Variants in FANCC observed in about 807,000 individuals in gnomAD.
FANCC encodes the protein Fanconi anemia group C protein.
Under a neutral mutation model 71.3 loss-of-function variants are expected in FANCC, and 55 were observed. The ratio of observed to expected loss-of-function variants is 0.77; its 90% CI spans 0.62 to 0.97. The LOEUF (loss-of-function observed/expected upper bound fraction) is 0.97. Ranked by LOEUF, FANCC falls within the 50% of genes least tolerant of loss-of-function variation. The pLI is 0.00. For missense variants in FANCC, 678 were observed against 670.9 expected (o/e 1.01, Z -0.12); for synonymous variants, 275 against 244.9 (o/e 1.12, Z -1.15).
chr9:95,196,557 T>C (rs1827470151), intron 4 of FANCC, among the ~76,000 whole-genome samples: 1 of 152,184 alleles, frequency 6.6e-6, no homozygotes, highest in African/African-American at 2.4e-5. Context: ...GACACTACAC[T>C]TGCAAAACTG....
intron 1 of FANCC, among the ~76,000 whole-genome samples, chr9:95,284,409 C>T (rs994036708): frequency 2.6e-5 from 4 of 152,118 alleles, no homozygotes; most frequent in African/African-American, 4.8e-5. Flanking sequence ...AACACTAGTA[C>T]GCAACAAAAT....
chr9:95,184,664 T>C (rs1455515068), intron 4 of FANCC, among the ~76,000 whole-genome samples: 1 of 152,228 alleles, frequency 6.6e-6, no homozygotes, highest in Non-Finnish European at 1.5e-5. Flanking sequence ...AATAGGGTTT[T>C]TGGTGGAACT....
chr9:95,262,248 A>G (rs977516494), intron 1 of FANCC, among the ~76,000 whole-genome samples: 2 of 152,176 alleles, frequency 1.3e-5, no homozygotes, highest in Admixed American at 6.5e-5. Context: ...ATATTCAAAA[A>G]CTTCATGGAA....
chr9:95,252,718 C>G (rs573142919), intron 1 of FANCC, among the ~76,000 whole-genome samples: 1 of 144,464 alleles, frequency 6.9e-6, no homozygotes, highest in East Asian at 2.1e-4. Context: ...GCACTCCAGC[C>G]TGGGCAACAG....
intron 1 of FANCC, among the ~76,000 whole-genome samples, chr9:95,258,351 C>T (rs1011885028): frequency 2.6e-5 from 4 of 152,128 alleles, no homozygotes; most frequent in African/African-American, 9.7e-5. Flanking sequence ...ACAATCAAGT[C>T]GGCTTCATCC....
intron 13 of FANCC, chr9:95,110,484 A>C: frequency 9.7e-7 from 1 of 1,030,780 alleles, no homozygotes; most frequent in Non-Finnish European, 1.2e-6. Context: ...TTAATCAGAC[A>C]GCAATCCTCA....
At chr9:95,114,789 GAA>G (rs2072253794) in intron 11 of FANCC, 79 bp from the exon 12 acceptor site, 2 of 1,248,056 alleles carry the variant, frequency 1.6e-6, no homozygotes, top group Non-Finnish European at 2.4e-6. Flanking sequence ...GGGATGACCT[GAA>G]GAGTCTTTGG....
chr9:95,261,794 A>T (rs1832067517), intron 1 of FANCC, among the ~76,000 whole-genome samples: 1 of 152,240 alleles, frequency 6.6e-6, no homozygotes, highest in South Asian at 2.1e-4. Context: ...AGAGAGATGC[A>T]GACGCTGGAA....
intron 4 of FANCC, among the ~76,000 whole-genome samples, chr9:95,180,374 T>C (rs991044324): frequency 7.1e-6 from 1 of 140,872 alleles, no homozygotes; most frequent in Non-Finnish European, 1.5e-5. Flanking sequence ...TGAGACAGGG[T>C]ATTGCTCTGC....
At chr9:95,176,950 G>A (rs1306769687) in intron 4 of FANCC, among the ~76,000 whole-genome samples, 1 of 152,182 alleles carries the variant, frequency 6.6e-6, no homozygotes, top group Non-Finnish European at 1.5e-5. Flanking sequence ...TACTGTATGA[G>A]CTCCGTCTTG....
At chr9:95,131,108 A>G (rs1826842666) in intron 8 of FANCC, among the ~76,000 whole-genome samples, 1 of 152,184 alleles carries the variant, frequency 6.6e-6, no homozygotes, top group South Asian at 2.1e-4. Flanking sequence ...CAATTTTTTC[A>G]GTACTCCATA....
chr9:95,233,709 T>C (rs1830139607), intron 4 of FANCC, among the ~76,000 whole-genome samples: 1 of 152,252 alleles, frequency 6.6e-6, no homozygotes, highest in Non-Finnish European at 1.5e-5. Flanking sequence ...TTTATCAAAA[T>C]TTATTACTGG....
chr9:95,114,064 A>G (rs4647529), intron 12 of FANCC: 85,689 of 175,760 alleles, frequency 0.49, 21,775 homozygotes, highest in East Asian at 0.62. Flanking sequence ...TCCAGCCTGA[A>G]AGACAGAGCA....
At chr9:95,229,770 TAC>T (rs3030656) in intron 4 of FANCC, among the ~76,000 whole-genome samples, 49,628 of 148,070 alleles carry the variant, frequency 0.34, 8,227 homozygotes, top group Admixed American at 0.43. Context: ...TGCACACATG[TAC>T]ACACACACAC....
At chr9:95,162,662 G>A (rs992188439) in intron 6 of FANCC, among the ~76,000 whole-genome samples, 2 of 152,170 alleles carry the variant, frequency 1.3e-5, no homozygotes, top group Non-Finnish European at 2.9e-5. Flanking sequence ...TCTAATAGGT[G>A]TGAACTGGTA....
chr9:95,187,216 G>C (rs1446206587), intron 4 of FANCC, among the ~76,000 whole-genome samples: 1 of 152,194 alleles, frequency 6.6e-6, no homozygotes, highest in Non-Finnish European at 1.5e-5. Flanking sequence ...CTCCCAGCAC[G>C]TCTCCCATCT....
At chr9:95,275,078 C>T (rs1401208412) in intron 1 of FANCC, among the ~76,000 whole-genome samples, 1 of 150,052 alleles carries the variant, frequency 6.7e-6, no homozygotes, top group Non-Finnish European at 1.5e-5. Flanking sequence ...TTGACACCAG[C>T]CTAGGCAACA....
At chr9:95,142,109 C>T (rs1223601897) in intron 7 of FANCC, among the ~76,000 whole-genome samples, 1 of 149,850 alleles carries the variant, frequency 6.7e-6, no homozygotes, top group African/African-American at 2.4e-5. Context: ...TCTCCTGCCT[C>T]AGCCTCCTGA....
chr9:95,180,029 T>G (rs1826243870), intron 4 of FANCC, among the ~76,000 whole-genome samples: 1 of 152,250 alleles, frequency 6.6e-6, no homozygotes. Context: ...GTTACAAAAA[T>G]GTATTTGCCT....
Sources: allele counts gnomAD v4.1 joint callset (sites outside exome capture counted in the v4.1 genomes callset), GRCh38; gene constraint gnomAD v4.1.1; transcripts MANE v1.5; gene names NCBI Gene and HGNC (gene_info 2026-07-23, HGNC 2026-07-21).